SNRK: variants seen among roughly 807,000 people sequenced by gnomAD.
SNRK encodes SNF related kinase.
A neutral mutation model predicts 48.2 loss-of-function variants in SNRK; 3 were observed. The observed-to-expected ratio is 0.06, with a 90% CI of 0.03 to 0.16. The LOEUF (loss-of-function observed/expected upper bound fraction) is 0.16, where lower values mean the gene tolerates loss of function less well. Ranked by LOEUF, SNRK falls within the 10% of genes least tolerant of loss-of-function variation. The pLI is 1.00. For synonymous variants in SNRK, 376 were observed against 366.1 expected, an observed-to-expected ratio of 1.03 and a Z score of -0.31; for missense variants, 627 against 976.0, an observed-to-expected ratio of 0.64 and a Z score of 4.76.
intron 3 of SNRK, among the ~76,000 whole-genome samples, chr3:43,324,147 T>C (rs2091076266): frequency 6.6e-6 from 1 of 152,238 alleles, no homozygotes. Context: ...TTTTACCTAA[T>C]AGGCTAATAG....
intron 3 of SNRK, among the ~76,000 whole-genome samples, chr3:43,311,524 T>C (rs796271307): frequency 6.6e-6 from 1 of 152,132 alleles, no homozygotes; most frequent in African/African-American, 2.4e-5. Context: ...TTTCACAGAG[T>C]CAGAAAGGAT....
intron 3 of SNRK, among the ~76,000 whole-genome samples, chr3:43,310,678 T>C (rs2090972698): frequency 6.6e-6 from 1 of 152,188 alleles, no homozygotes; most frequent in African/African-American, 2.4e-5. Context: ...TTCAAAATCA[T>C]TTTTCTCCCA....
At chr3:43,304,082 C>T (rs1479872716) in intron 3 of SNRK, among the ~76,000 whole-genome samples, 1 of 152,058 alleles carries the variant, frequency 6.6e-6, no homozygotes, top group African/African-American at 2.4e-5. Flanking sequence ...GGTCTGAATG[C>T]TTTTCCTCAG....
chr3:43,336,910 G>A (rs975802618), intron 4 of SNRK, among the ~76,000 whole-genome samples: 1 of 151,778 alleles, frequency 6.6e-6, no homozygotes, highest in East Asian at 2.0e-4. Context: ...CCGCCATCAC[G>A]CTTGGCTAAT....
chr3:43,321,529 G>C (rs1366676830), intron 3 of SNRK, among the ~76,000 whole-genome samples: 1 of 152,004 alleles, frequency 6.6e-6, no homozygotes, highest in Non-Finnish European at 1.5e-5. Flanking sequence ...TGTCATTCAG[G>C]GTCTCACTCA....
rs184260200 is a variant in SNRK at position 43,307,743 on chromosome 3, A to C, written c.589+3951A>C. ...TGGGCTTCCCTATTCTCTGAGATAC[A>C]ACAATATTGAAATTAGGCCAATTAA... is the stretch of plus-strand genomic sequence containing the variant. On this transcript the variant is annotated intron_variant, in intron 3 of 6. Transcript: ENST00000296088. Among the ~76,000 whole-genome samples, 14 of 152,202 alleles carry C rather than the reference A, an allele frequency of 9.2e-5. 1 individual carries two copies. In the East Asian group the frequency reaches 2.7e-3, roughly 29 times the overall value.
intron 2 of SNRK, among the ~76,000 whole-genome samples, chr3:43,301,796 G>A (rs1422630221): frequency 1.3e-5 from 2 of 152,170 alleles, no homozygotes; most frequent in East Asian, 3.9e-4. Context: ...TAATGGGAGA[G>A]AGCTAGCCTT....
At chr3:43,291,286 A>G (rs991613722) in intron 1 of SNRK, among the ~76,000 whole-genome samples, 3 of 152,194 alleles carry the variant, frequency 2.0e-5, no homozygotes, top group Admixed American at 1.3e-4. Flanking sequence ...TTATTTCTCC[A>G]GAATGCTGTC....
intron 3 of SNRK, among the ~76,000 whole-genome samples, chr3:43,305,607 C>T (rs2090931633): frequency 1.3e-5 from 2 of 151,616 alleles, no homozygotes; most frequent in African/African-American, 4.8e-5. Flanking sequence ...CTCAGCCTCC[C>T]GAGTAGCTGG....
At chr3:43,287,437 C>A (rs1212542318) in intron 1 of SNRK, among the ~76,000 whole-genome samples, 1 of 152,114 alleles carries the variant, frequency 6.6e-6, no homozygotes, top group African/African-American at 2.4e-5. Flanking sequence ...ACTGTTGGAT[C>A]GCATACAGTC....
At chr3:43,309,686 A>C (rs1575539699) in intron 3 of SNRK, among the ~76,000 whole-genome samples, 1 of 150,644 alleles carries the variant, frequency 6.6e-6, no homozygotes, top group South Asian at 2.1e-4. Context: ...GCATGATCAT[A>C]GTTCGTTGCA....
At chr3:43,288,191 C>T (rs1298125975) in intron 1 of SNRK, among the ~76,000 whole-genome samples, 1 of 152,172 alleles carries the variant, frequency 6.6e-6, no homozygotes, top group Non-Finnish European at 1.5e-5. Context: ...ATAATACTCT[C>T]ATCCTGAAGG....
At chr3:43,299,113 A>G (rs1483619072) in intron 1 of SNRK, among the ~76,000 whole-genome samples, 1 of 152,064 alleles carries the variant, frequency 6.6e-6, no homozygotes, top group Admixed American at 6.5e-5. Flanking sequence ...GGGAGGATTC[A>G]GTGAAATGTG....
intron 1 of SNRK, among the ~76,000 whole-genome samples, chr3:43,291,876 GC>G (rs1232281836): frequency 1.3e-5 from 2 of 152,176 alleles, no homozygotes; most frequent in Non-Finnish European, 2.9e-5. Context: ...ATGTTCCCTC[GC>G]CCCCAGGCAA....
At chr3:43,339,487 C>G (rs1394293949) in intron 4 of SNRK, among the ~76,000 whole-genome samples, 1 of 152,008 alleles carries the variant, frequency 6.6e-6, no homozygotes, top group Non-Finnish European at 1.5e-5. Flanking sequence ...ATTTATTCTG[C>G]TAAAATGGTG....
At chr3:43,316,624 AT>A (rs951684121) in intron 3 of SNRK, among the ~76,000 whole-genome samples, 2 of 150,342 alleles carry the variant, frequency 1.3e-5, no homozygotes, top group Admixed American at 6.6e-5. Context: ...TTGGAGCTTA[AT>A]TTTTTTTTTC....
chr3:43,319,348 A>G (rs1295927374), intron 3 of SNRK, among the ~76,000 whole-genome samples: 2 of 152,198 alleles, frequency 1.3e-5, no homozygotes, highest in Non-Finnish European at 2.9e-5. Context: ...CAGCCTTTGT[A>G]ATACTGTATC....
chr3:43,334,494 T>A (rs995205270), intron 4 of SNRK, among the ~76,000 whole-genome samples: 2 of 152,146 alleles, frequency 1.3e-5, no homozygotes, highest in Non-Finnish European at 2.9e-5. Context: ...CTATTTAGGT[T>A]TTTAAAATTT....
chr3:43,310,856 T>G (rs2090974088), intron 3 of SNRK, among the ~76,000 whole-genome samples: 1 of 152,212 alleles, frequency 6.6e-6, no homozygotes, highest in Non-Finnish European at 1.5e-5. Context: ...AGTGCTTCAT[T>G]AAGCAGGTTT....
Sources: allele counts gnomAD v4.1 joint callset (sites outside exome capture counted in the v4.1 genomes callset), GRCh38; gene constraint gnomAD v4.1.1; transcripts MANE v1.5; gene names NCBI Gene and HGNC (gene_info 2026-07-23, HGNC 2026-07-21).